Variants in FMNL2 observed in about 807,000 individuals in gnomAD.
The protein encoded by FMNL2 is formin-like protein 2.
Under a neutral mutation model 130.2 loss-of-function variants are expected in FMNL2, and 51 were observed. The ratio of observed to expected loss-of-function variants is 0.39; its 90% CI spans 0.31 to 0.49. The LOEUF is 0.49. FMNL2 is among the 20% of genes least tolerant of loss of function. The pLI, the probability that FMNL2 is intolerant of heterozygous loss-of-function variation, is 0.85. For synonymous variants in FMNL2, 465 were observed against 467.1 expected (o/e 1.00, Z 0.06); for missense variants, 977 against 1,316.2 (o/e 0.74, Z 3.99).
At chr2:152,452,796 G>A (rs1311806721) in intron 1 of FMNL2, among the ~76,000 whole-genome samples, 2 of 152,174 alleles carry the variant, frequency 1.3e-5, no homozygotes, top group Non-Finnish European at 2.9e-5. Context: ...GGGGAGGGCT[G>A]TCGTACCAGG....
intron 1 of FMNL2, among the ~76,000 whole-genome samples, chr2:152,502,420 C>T (rs1364028393): frequency 6.6e-6 from 1 of 152,246 alleles, no homozygotes; most frequent in Non-Finnish European, 1.5e-5. Context: ...GGCGTGGTGG[C>T]TCATGCCTGT....
chr2:152,407,198 G>GTTTTTTTTTTTTTTTTTTT (rs57572263), intron 1 of FMNL2, among the ~76,000 whole-genome samples: 1 of 148,926 alleles, frequency 6.7e-6, no homozygotes, highest in Non-Finnish European at 1.5e-5. Flanking sequence ...TTCTGTTTTT[G>GTTTTTTTTTTTTTTTTTTT]TTTTTTTTTT....
chr2:152,605,046 G>C (rs1286311893), intron 9 of FMNL2, among the ~76,000 whole-genome samples: 1 of 152,078 alleles, frequency 6.6e-6, no homozygotes, highest in Non-Finnish European at 1.5e-5. Flanking sequence ...AGTCTAGGGA[G>C]CTGGGCCTGT....
rs1690846402 is a variant in FMNL2 at position 152,486,697 on chromosome 2, AG to A, written c.118-35244del. Among the ~76,000 whole-genome samples the A allele has an allele frequency of 2.0e-5, 3 of 152,216 alleles. No homozygotes were observed. In the South Asian group the frequency reaches 6.2e-4, roughly 31 times the overall value. ...GTTATTCAGGCTTTACTTTCTTCAGAGGATTAAGAGGCTTGAACGTGGCTGC... is the reference window on the plus strand; with the variant it reads ...GTTATTCAGGCTTTACTTTCTTCAGAGATTAAGAGGCTTGAACGTGGCTGC... On this transcript the variant is annotated intron_variant, in intron 1 of 25. Coordinates refer to ENST00000288670, the MANE Select transcript of FMNL2 (RefSeq NM_052905.4).
intron 1 of FMNL2, among the ~76,000 whole-genome samples, chr2:152,349,335 C>T (rs142030655): frequency 3.9e-5 from 6 of 152,286 alleles, no homozygotes; most frequent in African/African-American, 1.4e-4. Context: ...CGTTGATGCT[C>T]ATGACAACTT....
chr2:152,446,273 CT>C (rs1688332697), intron 1 of FMNL2, among the ~76,000 whole-genome samples: 1 of 152,056 alleles, frequency 6.6e-6, no homozygotes, highest in African/African-American at 2.4e-5. Context: ...CAAATACGGT[CT>C]AATAAATATT....
chr2:152,638,138 A>G (rs893329), intron 23 of FMNL2, among the ~76,000 whole-genome samples: 152,054 of 152,350 alleles, frequency 1, 75,879 homozygotes, highest in East Asian at 1. Flanking sequence ...AGTATGGACT[A>G]AAGGATGGTG....
chr2:152,636,495 T>C lies in FMNL2; in HGVS notation c.2749T>C (p.Tyr917His), dbSNP rs752233734. ...GGGAATGGACTTGACCAAGAGAGAG[T>C]ACACCATGCATGACCATAACACGCT... ...QRGMDLTKRE[Y>H]TMHDHNTLLK... The change falls in exon 22 of 26, where the codon TAC becomes CAC. Residue 917 changes from tyrosine to histidine, a missense_variant. Around this residue, in one of 4 missense-constraint regions of FMNL2, gnomAD observed 689 missense variants for 995.9 expected, o/e 0.69. Transcript: ENST00000288670. 3.7e-6 allele frequency: 6 copies of C among 1,610,556 alleles called. No homozygotes were observed. The highest frequency in any genetic ancestry group is 3.3e-4 in the Middle Eastern group (2 of 6,060).
chr2:152,509,377 G>A (rs1307693307), intron 1 of FMNL2, among the ~76,000 whole-genome samples: 1 of 151,838 alleles, frequency 6.6e-6, no homozygotes, highest in Non-Finnish European at 1.5e-5. Context: ...CCACACATCA[G>A]AATTAATTTT....
chr2:152,467,945 A>T (rs187078215), intron 1 of FMNL2, among the ~76,000 whole-genome samples: 79 of 152,336 alleles, frequency 5.2e-4, no homozygotes, highest in African/African-American at 1.9e-3. Context: ...GACCTGAAGC[A>T]TGGAGTTGTT....
At chr2:152,438,438 G>A (rs1489412502) in intron 1 of FMNL2, among the ~76,000 whole-genome samples, 1 of 152,370 alleles carries the variant, frequency 6.6e-6, no homozygotes, top group East Asian at 1.9e-4. Context: ...CCTGGAGGAA[G>A]AGGGAGAAAG....
In FMNL2 at chr2:152,632,031, C is replaced by G. The variant is rs576647535; in HGVS notation, c.2574C>G (p.Asp858Glu). ...LDLLLDTKST[D>E]RKQTLLHYIS... ...AGCTCTTAGATACAAAGTCAACAGA[C>G]AGAAAGCAAACACTGTTGCACTATA... The change falls in exon 21 of 26, where the codon GAC becomes GAG. Residue 858 changes from aspartate (D) to glutamate (E), a missense_variant. Asp to Glu is a conservative substitution (Grantham distance 45). Coordinates refer to ENST00000288670, the MANE Select transcript of FMNL2 (RefSeq NM_052905.4). 1.2e-6 allele frequency: 2 copies of G among 1,611,968 alleles called. No individual in the cohort carries two copies. The highest frequency in any genetic ancestry group is 2.2e-5 in the South Asian group (2 of 90,488).
chr2:152,485,405 C>T (rs1226885677), intron 1 of FMNL2, among the ~76,000 whole-genome samples: 1 of 152,116 alleles, frequency 6.6e-6, no homozygotes. Context: ...GCAGGAGAAT[C>T]GCTTGAACCT....
At chr2:152,542,387 T>C (rs1694359027) in intron 2 of FMNL2, among the ~76,000 whole-genome samples, 1 of 152,194 alleles carries the variant, frequency 6.6e-6, no homozygotes. Context: ...AAGGAGGACC[T>C]GAAACAGGTT....
At chr2:152,383,952 A>T (rs1486299616) in intron 1 of FMNL2, among the ~76,000 whole-genome samples, 1 of 152,202 alleles carries the variant, frequency 6.6e-6, no homozygotes, top group Non-Finnish European at 1.5e-5. Context: ...TGTTATACAG[A>T]TCTCATCCCT....
chr2:152,631,989 C>G lies in FMNL2; in HGVS notation c.2551-19C>G. 6.2e-7 allele frequency: 1 copy of G among 1,606,492 alleles called. No homozygotes were observed. The highest frequency in any genetic ancestry group is 8.5e-7 in the Non-Finnish European group (1 of 1,176,680). On this transcript the variant is annotated intron_variant, in intron 20 of 25. Coordinates refer to ENST00000288670, the MANE Select transcript of FMNL2 (RefSeq NM_052905.4). ...ACCCTTTACTCTTGTACCTAACCCA[C>G]GTTCCCTTTTGTTTTCAGCTCTTAG...
chr2:152,590,483 A>G (rs983066791), intron 9 of FMNL2, among the ~76,000 whole-genome samples: 1 of 152,046 alleles, frequency 6.6e-6, no homozygotes, highest in African/African-American at 2.4e-5. Context: ...GCTGGGTGGC[A>G]TGTGCCTGTA....
At chr2:152,613,846 T>A (rs144419085) in intron 11 of FMNL2, among the ~76,000 whole-genome samples, 6 of 152,236 alleles carry the variant, frequency 3.9e-5, no homozygotes, top group Admixed American at 6.5e-5. Flanking sequence ...TCATGACTTA[T>A]GTTACTTGTA....
chr2:152,637,268 T>G (rs1295389451), intron 22 of FMNL2, among the ~76,000 whole-genome samples: 1 of 152,192 alleles, frequency 6.6e-6, no homozygotes, highest in Non-Finnish European at 1.5e-5. Context: ...TAAGAAAGAT[T>G]TCCTTGTTTT....
Sources: allele counts gnomAD v4.1 joint callset (sites outside exome capture counted in the v4.1 genomes callset), GRCh38; gene constraint gnomAD v4.1.1; regional missense constraint gnomAD v4.1.1; transcripts MANE v1.5; gene names NCBI Gene and HGNC (gene_info 2026-07-23, HGNC 2026-07-21).